LRBA: variants seen among roughly 807,000 people sequenced by gnomAD.
The protein encoded by LRBA is LPS responsive beige-like anchor protein, also known as lipopolysaccharide-responsive and beige-like anchor protein.
A neutral mutation model predicts 330.0 loss-of-function variants in LRBA; 176 were observed. That is an observed-to-expected ratio of 0.53 (90% CI 0.47 to 0.60). The LOEUF is 0.60. Among genes scored for constraint, LRBA ranks in the 20% least tolerant of loss-of-function variants. The pLI is 0.00. For missense variants in LRBA, 3,259 were observed against 3,444.8 expected (o/e 0.95, Z 1.35); for synonymous variants, 1,230 against 1,193.0 (o/e 1.03, Z -0.64).
chr4:150,315,686 T>A, intron 50 of LRBA, 63 bp from the exon 51 acceptor site: 1 of 984,114 alleles, frequency 1.0e-6, no homozygotes. Context: ...TACATAAAAA[T>A]GCATAAGTCA....
At chr4:150,648,805 G>A (rs998858185) in intron 37 of LRBA, among the ~76,000 whole-genome samples, 2 of 152,078 alleles carry the variant, frequency 1.3e-5, no homozygotes, top group African/African-American at 4.8e-5. Context: ...TTTCAGAGAT[G>A]AGTTCTGCTG....
At chr4:150,881,786 C>T (rs180838782) in intron 17 of LRBA, among the ~76,000 whole-genome samples, 10 of 152,222 alleles carry the variant, frequency 6.6e-5, no homozygotes, top group Admixed American at 6.5e-5. Flanking sequence ...CAAATATCTA[C>T]GGTTAAAAAT....
intron 22 of LRBA, among the ~76,000 whole-genome samples, chr4:150,854,128 A>G (rs144501552): frequency 6.6e-6 from 1 of 152,330 alleles, no homozygotes; most frequent in Non-Finnish European, 1.5e-5. Flanking sequence ...GCCTTTACTC[A>G]TGACATATAC....
chr4:150,720,909 A>G, intron 36 of LRBA: 1 of 367,506 alleles, frequency 2.7e-6, no homozygotes, highest in East Asian at 7.7e-5. Flanking sequence ...TCAGAAGATA[A>G]CAAAGCAATG....
chr4:150,455,326 T>G (rs994597605), intron 44 of LRBA, among the ~76,000 whole-genome samples: 1 of 151,954 alleles, frequency 6.6e-6, no homozygotes, highest in African/African-American at 2.4e-5. Context: ...TAAAGACACA[T>G]GCACACATAT....
At chr4:150,461,642 G>A (rs759359850) in intron 44 of LRBA, among the ~76,000 whole-genome samples, 1 of 151,774 alleles carries the variant, frequency 6.6e-6, no homozygotes, top group Non-Finnish European at 1.5e-5. Context: ...TATAGTAAAT[G>A]CTCAATAAAT....
intron 36 of LRBA, among the ~76,000 whole-genome samples, chr4:150,685,765 A>G (rs999630945): frequency 6.6e-6 from 1 of 151,830 alleles, no homozygotes; most frequent in Admixed American, 6.6e-5. Context: ...TGTGCAAAAC[A>G]CTATGCTAGG....
At chr4:150,943,918 G>T (rs1735949205) in intron 2 of LRBA, among the ~76,000 whole-genome samples, 1 of 152,084 alleles carries the variant, frequency 6.6e-6, no homozygotes, top group Non-Finnish European at 1.5e-5. Flanking sequence ...TTCATTCTAA[G>T]GAAAATCAGT....
intron 34 of LRBA, among the ~76,000 whole-genome samples, chr4:150,787,336 T>C (rs139719299): frequency 6.6e-6 from 1 of 152,288 alleles, no homozygotes; most frequent in Admixed American, 6.5e-5. Flanking sequence ...TTTTTTAAAA[T>C]TGTTTCGAGA....
chr4:150,372,103 C>T (rs1263885335), intron 47 of LRBA, among the ~76,000 whole-genome samples: 1 of 152,142 alleles, frequency 6.6e-6, no homozygotes, highest in Non-Finnish European at 1.5e-5. Context: ...GTTAATTTTT[C>T]TGTCAGATGC....
At chr4:150,345,203 C>T (rs925279347) in intron 48 of LRBA, among the ~76,000 whole-genome samples, 2 of 152,206 alleles carry the variant, frequency 1.3e-5, no homozygotes, top group African/African-American at 4.8e-5. Context: ...TGTTTAGTTA[C>T]ACTTATTTTC....
Position 150,908,369 on chromosome 4 carries a change from C to T in LRBA, c.1458G>A (p.Arg486=), listed in dbSNP as rs769463254. 6.2e-7 allele frequency: 1 copy of T among 1,608,436 alleles called. No individual in the cohort carries two copies. The highest frequency in any genetic ancestry group is 2.2e-5 in the East Asian group (1 of 44,764). Residue 486 remains arginine, a synonymous_variant, in exon 11 of 57, where the codon AGG becomes AGA. Transcript: ENST00000651943. ...LFPLFAQLDY[R]QYLSDEIDLT... ...AATCAATCTCATCAGACAAATATTGCCTGTAATCCAACTGTGCAAAAAGTG... is the reference window on the plus strand; with the variant it reads ...AATCAATCTCATCAGACAAATATTGTCTGTAATCCAACTGTGCAAAAAGTG...
intron 40 of LRBA, chr4:150,581,263 C>T: frequency 2.5e-6 from 1 of 398,992 alleles, no homozygotes; most frequent in South Asian, 2.0e-5. Context: ...TTTTGCCCTG[C>T]CCTGTTTTTA....
Position 150,852,411 on chromosome 4 carries a change from G to A in LRBA, c.3299C>T (p.Ser1100Phe). ...ASEMPEFLDK[S>F]IVEEEEDDDY... Reference sequence around the variant, plus strand: ...ATCATCTTCCTCTTCCTCTACTATAGATTTATCCAAGAATTCTGGCATCTC... The same window carrying A: ...ATCATCTTCCTCTTCCTCTACTATAAATTTATCCAAGAATTCTGGCATCTC... The change falls in exon 23 of 57, where the codon TCT (serine) becomes TTT (phenylalanine). Residue 1100 changes from serine (S) to phenylalanine (F), a missense_variant. Physicochemically the swap from Ser to Phe is radical, Grantham distance 155. Transcript: ENST00000651943. The A allele has an allele frequency of 6.2e-7, 1 of 1,613,418 alleles. No individual in the cohort carries two copies. The highest frequency in any genetic ancestry group is 8.5e-7 in the Non-Finnish European group (1 of 1,179,924).
intron 34 of LRBA, among the ~76,000 whole-genome samples, chr4:150,777,567 G>A (rs1429910746): frequency 1.3e-5 from 2 of 152,132 alleles, no homozygotes; most frequent in Non-Finnish European, 2.9e-5. Flanking sequence ...TACCTAAATA[G>A]TTGACAGAAA....
intron 40 of LRBA, among the ~76,000 whole-genome samples, chr4:150,557,094 C>G (rs997486272): frequency 6.6e-6 from 1 of 152,132 alleles, no homozygotes; most frequent in East Asian, 1.9e-4. Context: ...AGGGAAGCTA[C>G]AAGATGAGCC....
chr4:150,876,641 T>C (rs1754059219), intron 17 of LRBA, among the ~76,000 whole-genome samples: 2 of 152,144 alleles, frequency 1.3e-5, no homozygotes, highest in South Asian at 2.1e-4. Context: ...GAGAAATAAA[T>C]GTTTTTCAGG....
intron 36 of LRBA, among the ~76,000 whole-genome samples, chr4:150,727,262 C>T (rs895347243): frequency 6.6e-6 from 1 of 151,726 alleles, no homozygotes; most frequent in African/African-American, 2.4e-5. Flanking sequence ...TTAGTAGAGA[C>T]GGGGTTTCGC....
At chr4:151,014,397 T>C in intron 2 of LRBA, 30 bp downstream of exon 2, 1 of 1,554,128 alleles carries the variant, frequency 6.4e-7, no homozygotes, top group East Asian at 2.2e-5. Context: ...CTGAAAAGAG[T>C]ATATGCTTAT....
Sources: allele counts gnomAD v4.1 joint callset (sites outside exome capture counted in the v4.1 genomes callset), GRCh38; gene constraint gnomAD v4.1.1; transcripts MANE v1.5; gene names NCBI Gene and HGNC (gene_info 2026-07-23, HGNC 2026-07-21).